CPNE8: variants seen among roughly 807,000 people sequenced by gnomAD.
CPNE8 encodes copine-8.
CPNE8 carries 45 observed loss-of-function variants against 81.5 expected under a neutral mutation model. That is an observed-to-expected ratio of 0.55 (90% CI 0.44 to 0.71). CPNE8 has a LOEUF of 0.71. CPNE8 is among the 30% of genes least tolerant of loss of function. The pLI, the probability that CPNE8 is intolerant of heterozygous loss-of-function variation, is 0.00. For synonymous variants in CPNE8, 252 were observed against 226.3 expected (o/e 1.11, Z -1.02); for missense variants, 594 against 672.1 (o/e 0.88, Z 1.28).
chr12:38,689,115 T>C (rs1939610278), intron 15 of CPNE8, among the ~76,000 whole-genome samples: 1 of 152,216 alleles, frequency 6.6e-6, no homozygotes, highest in Non-Finnish European at 1.5e-5. Flanking sequence ...CACATTTAAT[T>C]TTGTTGTTTA....
chr12:38,702,979 C>A (rs1939987100), intron 13 of CPNE8, 58 bp from the exon 14 acceptor site: 3 of 1,194,906 alleles, frequency 2.5e-6, no homozygotes, highest in East Asian at 2.5e-5. Context: ...AAAGGAGTTT[C>A]TTTTCCATTT....
intron 6 of CPNE8, among the ~76,000 whole-genome samples, chr12:38,791,583 G>C (rs1325425611): frequency 6.6e-6 from 1 of 151,386 alleles, no homozygotes; most frequent in East Asian, 1.9e-4. Flanking sequence ...AAACAAACTA[G>C]CATTAAACAA....
chr12:38,830,623 G>T (rs1407096946), intron 5 of CPNE8, among the ~76,000 whole-genome samples: 1 of 152,184 alleles, frequency 6.6e-6, no homozygotes, highest in Non-Finnish European at 1.5e-5. Context: ...ACACGACCAA[G>T]AAAATTCCTA....
intron 10 of CPNE8, among the ~76,000 whole-genome samples, chr12:38,748,440 A>G (rs995690675): frequency 1.3e-5 from 2 of 152,174 alleles, no homozygotes; most frequent in Non-Finnish European, 2.9e-5. Flanking sequence ...CAGTTTTCCA[A>G]TATTACCTTA....
chr12:38,702,457 AC>A (rs1211584200), intron 14 of CPNE8, among the ~76,000 whole-genome samples: 1 of 152,154 alleles, frequency 6.6e-6, no homozygotes, highest in Non-Finnish European at 1.5e-5. Context: ...CTGTTGAATT[AC>A]ATTTATATAA....
chr12:38,864,370 C>T lies in CPNE8; in HGVS notation c.186+8634G>A, dbSNP rs1943885952. On this transcript the variant is annotated intron_variant, in intron 3 of 19. Transcript: ENST00000331366. ...ACAGTAGCTAGAGAGACTATAAGGC[C>T]CACCTAGCCTAAAATCTTTGCCCTG... is the stretch of plus-strand genomic sequence containing the variant. Among the ~76,000 whole-genome samples the T allele has an allele frequency of 2.6e-5, 4 of 151,950 alleles. No homozygotes were observed. In the South Asian group the frequency reaches 8.3e-4, roughly 32 times the overall value.
chr12:38,858,024 T>C (rs1480429084), intron 3 of CPNE8, among the ~76,000 whole-genome samples: 1 of 152,240 alleles, frequency 6.6e-6, no homozygotes, highest in Admixed American at 6.5e-5. Context: ...CTCTGAAATG[T>C]ATATAAATCC....
intron 13 of CPNE8, among the ~76,000 whole-genome samples, chr12:38,716,632 A>C (rs1940399866): frequency 6.6e-6 from 1 of 152,164 alleles, no homozygotes; most frequent in Non-Finnish European, 1.5e-5. Context: ...CCTAATACAA[A>C]AATCAACTCA....
chr12:38,818,764 T>A (rs1943066892), intron 6 of CPNE8, among the ~76,000 whole-genome samples: 1 of 152,182 alleles, frequency 6.6e-6, no homozygotes, highest in African/African-American at 2.4e-5. Context: ...GTAAAAGCAT[T>A]CCTATTTCTC....
intron 1 of CPNE8, among the ~76,000 whole-genome samples, chr12:38,881,846 C>G (rs1164211539): frequency 6.6e-6 from 1 of 151,948 alleles, no homozygotes; most frequent in Non-Finnish European, 1.5e-5. Context: ...GAAAAAGATA[C>G]AGAATGCAAT....
At chr12:38,846,605 T>C (rs1428022591) in intron 4 of CPNE8, among the ~76,000 whole-genome samples, 1 of 152,146 alleles carries the variant, frequency 6.6e-6, no homozygotes, top group African/African-American at 2.4e-5. Flanking sequence ...TAAGTGCTTT[T>C]TCCCCCTGGC....
Position 38,797,282 on chromosome 12 carries a change from A to C in CPNE8, c.408-20981T>G, listed in dbSNP as rs566281386. Among the ~76,000 whole-genome samples, 15 of 152,284 alleles carry C rather than the reference A, an allele frequency of 9.9e-5. No individual in the cohort carries two copies. The East Asian group carries it at 2.5e-3, about 26-fold the overall frequency. ...CTGACCCCTGACCCCCGAGCAGCCT[A>C]ACTGGGAGGCACCCCCCAGTAGGGG... On this transcript the variant is annotated intron_variant, in intron 6 of 19. Transcript: ENST00000331366.
intron 1 of CPNE8, among the ~76,000 whole-genome samples, chr12:38,900,957 C>T (rs1944453394): frequency 6.6e-6 from 1 of 152,126 alleles, no homozygotes; most frequent in African/African-American, 2.4e-5. Context: ...GGCAGTGGCT[C>T]AGGCCTATAA....
chr12:38,881,550 A>T (rs1224807082), intron 1 of CPNE8, among the ~76,000 whole-genome samples: 1 of 152,206 alleles, frequency 6.6e-6, no homozygotes, highest in African/African-American at 2.4e-5. Context: ...ACTTATTACT[A>T]CTGTTAAGCT....
chr12:38,786,653 C>T (rs1942194382), intron 6 of CPNE8, among the ~76,000 whole-genome samples: 1 of 151,958 alleles, frequency 6.6e-6, no homozygotes, highest in African/African-American at 2.4e-5. Flanking sequence ...ATACAATATC[C>T]CATGCAAATG....
At chr12:38,873,678 A>G (rs1209329839) in intron 2 of CPNE8, among the ~76,000 whole-genome samples, 1 of 152,176 alleles carries the variant, frequency 6.6e-6, no homozygotes, top group East Asian at 1.9e-4. Context: ...CTGACAACTG[A>G]CAAAAACCTT....
intron 1 of CPNE8, among the ~76,000 whole-genome samples, chr12:38,887,385 AT>A (rs1468201564): frequency 6.6e-6 from 1 of 152,210 alleles, no homozygotes; most frequent in Non-Finnish European, 1.5e-5. Flanking sequence ...TACGTAAGTC[AT>A]TGTAAAATAA....
intron 19 of CPNE8, among the ~76,000 whole-genome samples, chr12:38,669,051 C>CAA (rs34724194): frequency 2.0e-5 from 3 of 148,736 alleles, no homozygotes; most frequent in African/African-American, 7.5e-5. Context: ...GACTCTGCCT[C>CAA]AAAAAAAAAA....
At chr12:38,797,842 A>G (rs1353699048) in intron 6 of CPNE8, among the ~76,000 whole-genome samples, 2 of 152,166 alleles carry the variant, frequency 1.3e-5, no homozygotes, top group Non-Finnish European at 2.9e-5. Context: ...ACCAATACAG[A>G]AAAGTGCTTA....
Sources: gnomAD v4.1 joint callset for allele counts (sites outside exome capture counted in the v4.1 genomes callset) on GRCh38, gnomAD v4.1.1 for gene constraint, MANE v1.5 for transcripts, NCBI Gene and HGNC (gene_info 2026-07-23, HGNC 2026-07-21) for gene names.